The following HMCN1 variants were observed in gnomAD, a reference collection of about 807,000 sequenced individuals.
HMCN1 encodes the protein hemicentin-1.
In HMCN1, 321 loss-of-function variants were observed where a neutral mutation model predicts 625.9. The ratio of observed to expected loss-of-function variants is 0.51; its 90% CI spans 0.47 to 0.56. HMCN1 has a LOEUF of 0.56. HMCN1 is among the 20% of genes least tolerant of loss of function. HMCN1 has a pLI of 0.00. For synonymous variants in HMCN1, 2,425 were observed against 2,417.6 expected (o/e 1.00, Z -0.09); for missense variants, 6,588 against 6,887.3 (o/e 0.96, Z 1.54).
At chr1:186,185,470 G>C (rs1653235207) in intron 105 of HMCN1, among the ~76,000 whole-genome samples, 1 of 152,182 alleles carries the variant, frequency 6.6e-6, no homozygotes, top group African/African-American at 2.4e-5. Context: ...CAGTAGGCAA[G>C]ACTTCACTGA....
intron 84 of HMCN1, 96 bp from the exon 85 acceptor site, chr1:186,130,411 C>T (rs551920055): frequency 8.7e-6 from 11 of 1,257,518 alleles, no homozygotes; most frequent in South Asian, 7.4e-5. Context: ...GCTTTACTCC[C>T]CTCTTTACTA....
intron 9 of HMCN1, 151 bp from the exon 10 acceptor site, chr1:185,928,395 C>T (rs937604052): frequency 1.6e-6 from 1 of 640,378 alleles, no homozygotes; most frequent in Non-Finnish European, 2.7e-6. Context: ...AATGGTGTGT[C>T]ATTTTAAGTT....
intron 11 of HMCN1, among the ~76,000 whole-genome samples, chr1:185,940,715 C>T (rs1668036969): frequency 6.6e-6 from 1 of 152,022 alleles, no homozygotes; most frequent in African/African-American, 2.4e-5. Context: ...CCTACAGTTG[C>T]TAGTCATCTA....
chr1:186,187,843 C>T (rs778410286), intron 105 of HMCN1, 40 bp from the exon 106 acceptor site: 31 of 1,612,904 alleles, frequency 1.9e-5, no homozygotes, highest in Non-Finnish European at 2.4e-5. Flanking sequence ...CTTCTCTCAC[C>T]CTCACTGCTG....
chr1:185,837,024 GTGTGTGTA>G lies in HMCN1; in HGVS notation c.269-9000_269-8993del, dbSNP rs535704818. ...TTCCATGGTGTGTGTGTGTGTGTGTGTGTGTGTATATATAAAATATATATATAAATATA... is the reference window on the plus strand; with the variant it reads ...TTCCATGGTGTGTGTGTGTGTGTGTGTATATAAAATATATATATAAATATA... On this transcript the variant is annotated intron_variant, in intron 1 of 106. Transcript: ENST00000271588. Among the ~76,000 whole-genome samples, 461 of 149,992 alleles carry G rather than the reference GTGTGTGTA, an allele frequency of 3.1e-3. 4 individuals are homozygous for G. Among genetic ancestry groups the G allele is most frequent in the African/African-American group, 0.011 (442 of 40,704 alleles).
chr1:185,935,903 T>C (rs1019841273), intron 11 of HMCN1, among the ~76,000 whole-genome samples: 1 of 152,184 alleles, frequency 6.6e-6, no homozygotes, highest in Non-Finnish European at 1.5e-5. Flanking sequence ...TATGATAATA[T>C]GAGAAATGAT....
chr1:185,894,166 A>C (rs901655263), intron 4 of HMCN1, among the ~76,000 whole-genome samples: 18 of 150,692 alleles, frequency 1.2e-4, no homozygotes, highest in African/African-American at 4.2e-4. Context: ...AAAAAAAACA[A>C]AACAAAAAAA....
intron 4 of HMCN1, among the ~76,000 whole-genome samples, chr1:185,902,405 C>CTATCTATCTCTATCTA (rs903275348): frequency 1.8e-4 from 26 of 145,454 alleles, no homozygotes; most frequent in African/African-American, 4.1e-4. Context: ...ATCTATCTAT[C>CTATCTATCTCTATCTA]TCTATCTATC....
At chr1:186,030,989 C>T (rs191274290) in intron 36 of HMCN1, among the ~76,000 whole-genome samples, 1 of 151,626 alleles carries the variant, frequency 6.6e-6, no homozygotes, top group Non-Finnish European at 1.5e-5. Flanking sequence ...TTTAAAGTGC[C>T]CATTACTGCT....
intron 101 of HMCN1, 142 bp from the exon 102 acceptor site, chr1:186,171,864 A>G: frequency 1.5e-6 from 1 of 685,942 alleles, no homozygotes. Context: ...ACATTGTTGA[A>G]TTTAAGCACT....
chr1:186,014,225 C>A (rs1165962775), intron 30 of HMCN1, among the ~76,000 whole-genome samples: 1 of 151,882 alleles, frequency 6.6e-6, no homozygotes, highest in African/African-American at 2.4e-5. Flanking sequence ...ATGAGAAAAA[C>A]ATTCTATCAA....
chr1:186,154,193 A>G (rs529077067), intron 97 of HMCN1, among the ~76,000 whole-genome samples: 25 of 152,326 alleles, frequency 1.6e-4, no homozygotes, highest in African/African-American at 5.3e-4. Flanking sequence ...ATACTTCTTC[A>G]TACTACACAG....
At position 185,970,343 on chromosome 1, in the gene HMCN1, G is replaced by C; in HGVS notation, c.2221G>C (p.Glu741Gln). The C allele has an allele frequency of 6.2e-7, 1 of 1,613,330 alleles. No individual in the cohort carries two copies. Among genetic ancestry groups the C allele is most frequent in the Non-Finnish European group, 8.5e-7 (1 of 1,179,328 alleles). The change falls in exon 15 of 107, where the codon GAG (glutamate) becomes CAG (glutamine). Residue 741 changes from glutamate (E) to glutamine (Q), a missense_variant. Transcript: ENST00000271588. ...CCTTTGTTTTGACTTAGGAGATCTT[G>C]AGTTGAGGCCCTCAACATTCCTCAT... is the stretch of plus-strand genomic sequence containing the variant. ...PQVKWFKGDL[E>Q]LRPSTFLIID...
At chr1:186,081,597 G>A (rs1246580778) in intron 56 of HMCN1, among the ~76,000 whole-genome samples, 4 of 151,964 alleles carry the variant, frequency 2.6e-5, no homozygotes, top group Non-Finnish European at 5.9e-5. Flanking sequence ...TAATAGTTTT[G>A]TGTGGATTTT....
intron 68 of HMCN1, among the ~76,000 whole-genome samples, chr1:186,096,295 G>A (rs1329193971): frequency 6.6e-6 from 1 of 152,126 alleles, no homozygotes; most frequent in Non-Finnish European, 1.5e-5. Context: ...ATTTATTCAT[G>A]TAACCCTAAA....
intron 56 of HMCN1, 24 bp downstream of exon 56, chr1:186,081,418 T>G: frequency 6.5e-7 from 1 of 1,541,834 alleles, no homozygotes; most frequent in Non-Finnish European, 9.0e-7. Flanking sequence ...AAGATCTAAT[T>G]TTAAAAGAGC....
intron 14 of HMCN1, among the ~76,000 whole-genome samples, chr1:185,967,205 G>A (rs1158622883): frequency 1.3e-5 from 2 of 152,018 alleles, no homozygotes; most frequent in Non-Finnish European, 2.9e-5. Flanking sequence ...TAATGGAAAT[G>A]CCAACTTCTA....
chr1:185,977,167 C>A (rs1030452077), intron 15 of HMCN1, among the ~76,000 whole-genome samples: 1 of 151,984 alleles, frequency 6.6e-6, no homozygotes, highest in Admixed American at 6.6e-5. Flanking sequence ...TTAAACTCTT[C>A]CTATTCTCTT....
intron 82 of HMCN1, among the ~76,000 whole-genome samples, chr1:186,127,689 CT>C (rs1661713670): frequency 6.6e-6 from 1 of 152,126 alleles, no homozygotes; most frequent in Non-Finnish European, 1.5e-5. Context: ...ACCATTTCCT[CT>C]GATAGTTTTG....
Sources: gnomAD v4.1 joint callset for allele counts (sites outside exome capture counted in the v4.1 genomes callset) on GRCh38, gnomAD v4.1.1 for gene constraint, MANE v1.5 for transcripts, NCBI Gene and HGNC (gene_info 2026-07-23, HGNC 2026-07-21) for gene names.